The following TACC2 variants were observed in gnomAD, a reference collection of about 807,000 sequenced individuals.
TACC2 encodes transforming acidic coiled-coil containing protein 2.
In TACC2, 137 loss-of-function variants were observed where a neutral mutation model predicts 227.3. The ratio of observed to expected loss-of-function variants is 0.60; its 90% confidence interval spans 0.52 to 0.69. The LOEUF is 0.69. Among genes scored for constraint, TACC2 ranks in the 30% least tolerant of loss-of-function variants. The probability of loss-of-function intolerance (pLI) is 0.00; values close to 1 mark genes in which losing one functional copy is unlikely to be tolerated. For missense variants in TACC2, 3,470 were observed against 3,694.4 expected, an observed-to-expected ratio of 0.94 and a Z score of 1.57; for synonymous variants, 1,523 against 1,487.5, an observed-to-expected ratio of 1.02 and a Z score of -0.55.
At position 122,087,629 on chromosome 10, in the gene TACC2, C is replaced by T. The variant is rs1295343423; in HGVS notation, c.5129C>T (p.Thr1710Ile). 2.5e-6 allele frequency: 4 copies of T among 1,613,488 alleles called. No individual in the cohort carries two copies. Among genetic ancestry groups the T allele is most frequent in the Non-Finnish European group, 3.4e-6 (4 of 1,180,012 alleles). Residue 1710 changes from threonine (T) to isoleucine (I), a missense_variant, in exon 4 of 23, where the codon ACC becomes ATC. This residue lies in a region of TACC2 where 1,924 missense variants were observed against 1,978.3 expected (regional missense o/e 0.97). Transcript: ENST00000369005. ...GAAGEAEGDI[T>I]LSTAETQACA... is the part of the protein sequence containing the mutation. ...GCTGGGGAAGCAGAGGGTGACATCA[C>T]CCTGAGCACAGCTGAGACACAGGCA...
intron 3 of TACC2, chr10:122,052,767 C>T (rs1205987042): frequency 1.3e-5 from 2 of 152,048 alleles, no homozygotes; most frequent in African/African-American, 4.8e-5. Context: ...ACATGATTCT[C>T]CTCTATAAAT....
At chr10:122,103,750 G>C (rs1555030057) in intron 5 of TACC2, among the ~76,000 whole-genome samples, 2 of 151,952 alleles carry the variant, frequency 1.3e-5, no homozygotes, top group Non-Finnish European at 2.9e-5. Flanking sequence ...CTGAGCTGTA[G>C]AGCTGAGGGA....
chr10:122,012,418 C>CAAAAAAAAAAAAAAAAAAAA lies in TACC2; in HGVS notation c.-45-9517_-45-9498dup, dbSNP rs752342348. Among the ~76,000 whole-genome samples the CAAAAAAAAAAAAAAAAAAAA allele has an allele frequency of 2.2e-3, 132 of 60,706 alleles. 4 individuals carry two copies. The highest frequency in any genetic ancestry group is 5.4e-3 in the East Asian group (9 of 1,680). The allele number at this position is 60,706 out of a possible 152,430, so 39.8% of individuals were successfully genotyped here. On this transcript the variant is annotated intron_variant, in intron 1 of 22. Transcript: ENST00000369005. ...CTGGTGCCAGAGCAAGACTCCGTCT[C>CAAAAAAAAAAAAAAAAAAAA]AAAAAAAAAAAAAAAAAAAAAGATG...
intron 7 of TACC2, among the ~76,000 whole-genome samples, chr10:122,155,914 T>A (rs1244858891): frequency 6.9e-6 from 1 of 144,336 alleles, no homozygotes; most frequent in African/African-American, 2.6e-5. Flanking sequence ...CTTGGCTCAC[T>A]GCAATCTCCG....
intron 7 of TACC2, among the ~76,000 whole-genome samples, chr10:122,181,312 T>C (rs1252445768): frequency 6.6e-6 from 1 of 152,198 alleles, no homozygotes; most frequent in Non-Finnish European, 1.5e-5. Context: ...TGTAAACTCA[T>C]GAATCATTGG....
intron 7 of TACC2, chr10:122,163,675 G>T: frequency 9.4e-7 from 1 of 1,060,132 alleles, no homozygotes; most frequent in Non-Finnish European, 1.1e-6. Flanking sequence ...GCGCACGCCG[G>T]CCACACTCGG....
intron 2 of TACC2, among the ~76,000 whole-genome samples, chr10:122,048,535 G>C (rs973153023): frequency 7.0e-6 from 1 of 142,354 alleles, no homozygotes; most frequent in Non-Finnish European, 1.5e-5. Context: ...TTCTGTTTCT[G>C]TTTTGTAGAG....
intron 18 of TACC2, among the ~76,000 whole-genome samples, chr10:122,238,911 C>G (rs1431825937): frequency 6.6e-6 from 1 of 152,132 alleles, no homozygotes; most frequent in African/African-American, 2.4e-5. Flanking sequence ...CTGACTGTAG[C>G]TTAAATGATT....
chr10:122,039,371 A>G (rs569985426), intron 2 of TACC2, among the ~76,000 whole-genome samples: 134 of 152,302 alleles, frequency 8.8e-4, no homozygotes, highest in Non-Finnish European at 1.7e-3. Flanking sequence ...CTCAGAGGGC[A>G]GCTGGCATGG....
At position 122,084,446 on chromosome 10, in the gene TACC2, C is replaced by T. The variant is rs747923514; in HGVS notation, c.1946C>T (p.Ser649Phe). The T allele has an allele frequency of 3.1e-6, 5 of 1,612,856 alleles. No homozygotes were observed. The highest frequency in any genetic ancestry group is 4.2e-6 in the Non-Finnish European group (5 of 1,180,038). Residue 649 changes from serine (S) to phenylalanine (F), a missense_variant, in exon 4 of 23, where the codon TCT becomes TTT. Ser to Phe is a radical substitution (Grantham distance 155). This residue lies in a region of TACC2 where 1,924 missense variants were observed against 1,978.3 expected (regional missense o/e 0.97). Transcript: ENST00000369005. ...GGAGHTDGPH[S>F]QTAEADASGL... ...GCTGGGCACACGGACGGGCCCCACT[C>T]TCAGACAGCAGAGGCTGATGCATCT... is the stretch of plus-strand genomic sequence containing the variant.
Position 122,211,609 on chromosome 10 carries a change from C to CTTTG in TACC2, c.7184_7185insTTTG (p.Ala2396LeufsTer5). 6.2e-7 allele frequency: 1 copy of CTTTG among 1,613,846 alleles called. No individual in the cohort carries two copies. On this transcript the variant is annotated frameshift_variant, in exon 9 of 23. Transcript: ENST00000369005. LOFTEE classifies it high-confidence loss of function. ...ACCCCCAGCTCACCTTCTAAATCCC[C>CTTTG]AGCCTCCTTTGAGATCCCAGCCAGT...
chr10:122,130,068 G>A lies in TACC2; in HGVS notation c.5574-2541G>A, dbSNP rs1041670901. Among the ~76,000 whole-genome samples the A allele has an allele frequency of 3.9e-5, 6 of 152,302 alleles. No homozygotes were observed. In the East Asian group the frequency reaches 9.6e-4, roughly 24 times the overall value. ...GCTGGAGTGCAGTGGCGCAATCTCA[G>A]CTCACTGCAATCTCTGCCTCCCAGG... On this transcript the variant is annotated intron_variant, in intron 5 of 22. Coordinates refer to ENST00000369005, the MANE Select transcript of TACC2 (RefSeq NM_206862.4).
intron 13 of TACC2, among the ~76,000 whole-genome samples, chr10:122,226,743 C>T (rs542286863): frequency 3.0e-4 from 45 of 152,208 alleles, no homozygotes; most frequent in Middle Eastern, 3.4e-3. Flanking sequence ...CTGGCCAGCC[C>T]ACACTTCAGT....
chr10:122,083,595 G>T lies in TACC2; in HGVS notation c.1095G>T (p.Glu365Asp), dbSNP rs780889466. 6.2e-7 allele frequency: 1 copy of T among 1,612,444 alleles called. No individual in the cohort carries two copies. Among genetic ancestry groups the T allele is most frequent in the Admixed American group, 1.7e-5 (1 of 60,032 alleles). The part of the protein sequence containing the change: ...LVPEAGGSGK[E>D]ALDTIDVQGH... ...CAGAGGCTGGGGGCTCTGGGAAGGA[G>T]GCTCTGGACACCATTGATGTTCAGG... Residue 365 changes from glutamate to aspartate, a missense_variant, in exon 4 of 23, where the codon GAG (glutamate) becomes GAT (aspartate). Glu to Asp is a conservative substitution (Grantham distance 45, BLOSUM62 2). Around this residue, in one of 10 missense-constraint regions of TACC2, gnomAD observed 1,924 missense variants for 1,978.3 expected, o/e 0.97. Transcript: ENST00000369005.
At position 122,087,016 on chromosome 10, in the gene TACC2, G is replaced by T. The variant is rs770484899; in HGVS notation, c.4516G>T (p.Glu1506Ter). 6.2e-7 allele frequency: 1 copy of T among 1,613,928 alleles called. No individual in the cohort carries two copies. The highest frequency in any genetic ancestry group is 1.1e-5 in the South Asian group (1 of 91,086). Residue 1506 changes from glutamate (E) to a stop codon, truncating the protein, a stop_gained, in exon 4 of 23, where the codon GAG becomes TAG. Transcript: ENST00000369005. LOFTEE classifies it high-confidence loss of function. Reference protein sequence around the residue: ...KLLGPAGLTWERNLPGAGVGK... With the variant: ...KLLGPAGLTW ...TCTGGGTCCAGCAGGGCTGACCTGG[G>T]AGCGGAACTTGCCAGGTGCCGGTGT... is the stretch of plus-strand genomic sequence containing the variant.
chr10:122,132,066 A>AAGAAAG (rs1555059146), intron 5 of TACC2, among the ~76,000 whole-genome samples: 8,335 of 58,272 alleles, frequency 0.14, 421 homozygotes, highest in South Asian at 0.22. Context: ...GAAAGAAAGA[A>AAGAAAG]AAAGAAAGAA....
At position 122,166,824 on chromosome 10, in the gene TACC2, T is replaced by C. The variant is rs376062824; in HGVS notation, c.5834+23118T>C. ...CTTGTAGCAATAGTGACCATTTGTTTCTAAATAGAATATGAGTAGCAAGGG... is the reference window on the plus strand; with the variant it reads ...CTTGTAGCAATAGTGACCATTTGTTCCTAAATAGAATATGAGTAGCAAGGG... On this transcript the variant is annotated intron_variant, in intron 7 of 22. Transcript: ENST00000369005. Among the ~76,000 whole-genome samples the C allele has an allele frequency of 9.5e-4, 144 of 152,350 alleles. 1 individual carries two copies. The highest frequency in any genetic ancestry group is 3.4e-3 in the Middle Eastern group (1 of 294).
At chr10:122,001,326 G>A (rs1954300463) in intron 1 of TACC2, among the ~76,000 whole-genome samples, 1 of 152,210 alleles carries the variant, frequency 6.6e-6, no homozygotes, top group Non-Finnish European at 1.5e-5. Flanking sequence ...GAGGAGCAAG[G>A]TTATGTCTTA....
chr10:122,202,319 T>TG, intron 8 of TACC2, among the ~76,000 whole-genome samples: 1 of 142,742 alleles, frequency 7.0e-6, no homozygotes, highest in Non-Finnish European at 1.5e-5. Flanking sequence ...CTGCTCCACT[T>TG]GGGGCTGATA....
Sources: gnomAD v4.1 joint callset for allele counts (sites outside exome capture counted in the v4.1 genomes callset) on GRCh38, gnomAD v4.1.1 for gene constraint, gnomAD v4.1.1 regional missense constraint, MANE v1.5 for transcripts, NCBI Gene and HGNC (gene_info 2026-07-23, HGNC 2026-07-21) for gene names.